The following SAMD12 variants were observed in gnomAD, a reference collection of about 807,000 sequenced individuals.
SAMD12 encodes the protein sterile alpha motif domain-containing protein 12.
In SAMD12, 9 loss-of-function variants were observed where a neutral mutation model predicts 15.0. The observed-to-expected ratio is 0.60, with a 90% CI of 0.36 to 1.05. The LOEUF (loss-of-function observed/expected upper bound fraction) is 1.05. Among genes scored for constraint, SAMD12 ranks in the 50% least tolerant of loss-of-function variants. SAMD12 has a pLI of 0.01. For synonymous variants in SAMD12, 86 were observed against 90.1 expected, an observed-to-expected ratio of 0.96 and a Z score of 0.25; for missense variants, 230 against 234.2, an observed-to-expected ratio of 0.98 and a Z score of 0.12.
At chr8:118,169,201 TA>T in the SAMD12 span, among the ~76,000 whole-genome samples, 1 of 152,008 alleles carries the variant, frequency 6.6e-6, no homozygotes, top group Non-Finnish European at 1.5e-5. Context: ...GAATCTAAAA[TA>T]AAAGTTGAAA....
chr8:118,333,274 A>G (rs1278042108), intron 4 of SAMD12, among the ~76,000 whole-genome samples: 1 of 152,118 alleles, frequency 6.6e-6, no homozygotes, highest in Non-Finnish European at 1.5e-5. Context: ...TTTTTATGCG[A>G]CAAAATAAGT....
chr8:118,161,447 G>T, the SAMD12 span, among the ~76,000 whole-genome samples: 1 of 151,696 alleles, frequency 6.6e-6, no homozygotes, highest in Non-Finnish European at 1.5e-5. Flanking sequence ...GGGTGTGGTG[G>T]CAAATGCCTG....
At chr8:118,401,117 T>A (rs75765359) in intron 3 of SAMD12, among the ~76,000 whole-genome samples, 2,371 of 152,290 alleles carry the variant, frequency 0.016, 56 homozygotes, top group African/African-American at 0.052. Context: ...TTTATTTGGT[T>A]TGGGTTGTAT....
the SAMD12 span, among the ~76,000 whole-genome samples, chr8:118,149,607 T>G: frequency 6.6e-6 from 1 of 152,128 alleles, no homozygotes; most frequent in Non-Finnish European, 1.5e-5. Flanking sequence ...CTTTCTTCTA[T>G]GGGTTGTGTT....
chr8:118,333,054 A>C (rs545165190), intron 4 of SAMD12, among the ~76,000 whole-genome samples: 1 of 152,306 alleles, frequency 6.6e-6, no homozygotes, highest in African/African-American at 2.4e-5. Flanking sequence ...GCATTAGCAC[A>C]GTGCCTGAAA....
intron 2 of SAMD12, among the ~76,000 whole-genome samples, chr8:118,562,970 GTCT>G (rs1409435772): frequency 6.6e-6 from 1 of 152,198 alleles, no homozygotes; most frequent in Non-Finnish European, 1.5e-5. Flanking sequence ...GCTGCTGACA[GTCT>G]TATAAATCGC....
At chr8:118,278,426 GTCC>G (rs1166918827) in intron 4 of SAMD12, among the ~76,000 whole-genome samples, 4 of 152,090 alleles carry the variant, frequency 2.6e-5, no homozygotes, top group African/African-American at 9.7e-5. Context: ...CTTTCCACAC[GTCC>G]TCCTTTCTGT....
At position 118,318,310 on chromosome 8, in the gene SAMD12, GTATATATATATATATATATATA is replaced by G. The variant is rs55959055; in HGVS notation, c.433+61228_433+61249del. 2.7e-3 allele frequency among the ~76,000 whole-genome samples: 302 copies of G among 113,252 alleles called. 5 individuals are homozygous for G. The highest frequency in any genetic ancestry group is 8.0e-3 in the African/African-American group (245 of 30,710). The allele number at this position is 113,252 out of a possible 152,430, so 74.3% of individuals were successfully genotyped here. On this transcript the variant is annotated intron_variant, in intron 4 of 4. Transcript: ENST00000409003. Reference sequence around the variant, plus strand: ...TTAAAAAAATATGGGAGATATATGTGTATATATATATATATATATATATATATATATATATATATATATATAC... The same window carrying G: ...TTAAAAAAATATGGGAGATATATGTGTATATATATATATATATATATATAC...
chr8:118,492,498 G>A (rs1215373853), intron 2 of SAMD12, among the ~76,000 whole-genome samples: 1 of 152,022 alleles, frequency 6.6e-6, no homozygotes, highest in African/African-American at 2.4e-5. Flanking sequence ...AGGGATGGGG[G>A]GATTCATTCA....
chr8:118,553,224 G>A (rs1437104199), intron 2 of SAMD12, among the ~76,000 whole-genome samples: 1 of 152,090 alleles, frequency 6.6e-6, no homozygotes, highest in African/African-American at 2.4e-5. Flanking sequence ...ACATCGCCAA[G>A]GCAATCCTAA....
At position 118,600,574 on chromosome 8, in the gene SAMD12, T is replaced by C. The variant is rs868864691; in HGVS notation, c.14-19681A>G. Among the ~76,000 whole-genome samples, 120 of 152,304 alleles carry C rather than the reference T, an allele frequency of 7.9e-4. 2 individuals carry two copies. The highest frequency in any genetic ancestry group is 2.6e-3 in the African/African-American group (110 of 41,576). On this transcript the variant is annotated intron_variant, in intron 1 of 3. Transcript: ENST00000314727. ...AATTCTGGCATCACTAGTGACTCTA[T>C]TGCACTATATTCCCCTCTTCCATGC... is the stretch of plus-strand genomic sequence containing the variant.
At chr8:118,169,859 T>G in the SAMD12 span, among the ~76,000 whole-genome samples, 4 of 152,154 alleles carry the variant, frequency 2.6e-5, no homozygotes, top group African/African-American at 9.7e-5. Flanking sequence ...AGGAAAGCTG[T>G]TTTTTACCCC....
intron 4 of SAMD12, among the ~76,000 whole-genome samples, chr8:118,220,433 C>CA (rs1812058578): frequency 6.6e-6 from 1 of 152,170 alleles, no homozygotes; most frequent in Non-Finnish European, 1.5e-5. Context: ...AAGAAATGAT[C>CA]ATTTCAGTTG....
At chr8:118,169,432 G>C in the SAMD12 span, among the ~76,000 whole-genome samples, 1 of 151,892 alleles carries the variant, frequency 6.6e-6, no homozygotes, top group Admixed American at 6.6e-5. Context: ...ATGTGATTTT[G>C]AAAAGCTTTC....
intron 2 of SAMD12, among the ~76,000 whole-genome samples, chr8:118,531,883 T>A (rs1586792435): frequency 6.6e-6 from 1 of 152,198 alleles, no homozygotes; most frequent in Admixed American, 6.5e-5. Flanking sequence ...ACAGGGACAA[T>A]TCGACTTCCT....
chr8:118,193,911 T>A (rs933992479), exon 5 of SAMD12: 1 of 152,170 alleles, frequency 6.6e-6, no homozygotes, highest in Non-Finnish European at 1.5e-5. Context: ...TTGACAAGTC[T>A]AGTTGTCAAG....
At chr8:118,155,367 G>A in the SAMD12 span, among the ~76,000 whole-genome samples, 1 of 152,094 alleles carries the variant, frequency 6.6e-6, no homozygotes, top group Non-Finnish European at 1.5e-5. Context: ...GTTTTTGGGG[G>A]GGTGGGCCAC....
downstream of SAMD12, among the ~76,000 whole-genome samples, chr8:118,375,437 T>A (rs73325692): frequency 0.046 from 7,034 of 152,226 alleles, 523 homozygotes; most frequent in African/African-American, 0.16. Flanking sequence ...GTAAGTTGTA[T>A]GTTATGTGAA....
chr8:118,267,346 C>A (rs1302333388), intron 4 of SAMD12, among the ~76,000 whole-genome samples: 2 of 151,994 alleles, frequency 1.3e-5, no homozygotes, highest in African/African-American at 4.8e-5. Flanking sequence ...AATTTTGCTA[C>A]CTGAAAGATC....
Sources: allele counts gnomAD v4.1 joint callset (sites outside exome capture counted in the v4.1 genomes callset), GRCh38; gene constraint gnomAD v4.1.1; transcripts MANE v1.5; gene names NCBI Gene and HGNC (gene_info 2026-07-23, HGNC 2026-07-21).